PARD3B: variants seen among roughly 807,000 people sequenced by gnomAD.
PARD3B encodes par-3 family cell polarity regulator beta.
Under a neutral mutation model 130.2 loss-of-function variants are expected in PARD3B, and 103 were observed. That is an observed-to-expected ratio of 0.79 (90% CI 0.67 to 0.93). The LOEUF (loss-of-function observed/expected upper bound fraction) is 0.93. PARD3B is among the 40% of genes least tolerant of loss of function. The pLI is 0.00. For missense variants in PARD3B, 1,609 were observed against 1,499.2 expected (o/e 1.07, Z -1.21); for synonymous variants, 583 against 553.2 (o/e 1.05, Z -0.76).
chr2:205,260,263 A>G (rs1233580469), intron 16 of PARD3B, among the ~76,000 whole-genome samples: 1 of 152,186 alleles, frequency 6.6e-6, no homozygotes, highest in Admixed American at 6.6e-5. Flanking sequence ...CAACAGCAAC[A>G]ACAAACAGTG....
At chr2:205,236,596 A>C (rs909226224) in intron 15 of PARD3B, among the ~76,000 whole-genome samples, 5 of 152,280 alleles carry the variant, frequency 3.3e-5, no homozygotes, top group African/African-American at 1.2e-4. Context: ...CCACCCTCAA[A>C]AATAAAAACT....
At chr2:204,736,641 TA>T (rs2039769559) in intron 2 of PARD3B, among the ~76,000 whole-genome samples, 1 of 152,242 alleles carries the variant, frequency 6.6e-6, no homozygotes, top group African/African-American at 2.4e-5. Flanking sequence ...TAGTATTCCA[TA>T]GTGTATATGT....
chr2:205,168,832 C>T (rs1186839261), intron 11 of PARD3B, among the ~76,000 whole-genome samples: 3 of 152,010 alleles, frequency 2.0e-5, no homozygotes, highest in Non-Finnish European at 4.4e-5. Flanking sequence ...TGAAGCATTA[C>T]CCCTTTAGGG....
intron 19 of PARD3B, among the ~76,000 whole-genome samples, chr2:205,435,432 TAAAG>T (rs2047479681): frequency 1.3e-5 from 2 of 152,204 alleles, no homozygotes; most frequent in South Asian, 2.1e-4. Context: ...TTAATTATAA[TAAAG>T]AAATTTATTC....
chr2:204,701,382 C>T (rs1485703694), intron 2 of PARD3B, among the ~76,000 whole-genome samples: 1 of 152,092 alleles, frequency 6.6e-6, no homozygotes, highest in East Asian at 1.9e-4. Flanking sequence ...AATGTCTATA[C>T]TCATGGGACT....
At chr2:205,369,496 G>A (rs531979581) in intron 18 of PARD3B, among the ~76,000 whole-genome samples, 29 of 152,148 alleles carry the variant, frequency 1.9e-4, no homozygotes, top group Non-Finnish European at 3.7e-4. Context: ...GCCTACGGGC[G>A]CCTTCGTGTT....
rs764835390 is a variant in PARD3B, at chr2:205,592,138, G to C, written c.3261-23318G>C. Among the ~76,000 whole-genome samples, 4 of 152,116 alleles carry C rather than the reference G, an allele frequency of 2.6e-5. No individual in the cohort carries two copies. Among genetic ancestry groups the C allele is most frequent in the Non-Finnish European group, 5.9e-5 (4 of 68,018 alleles). ...GCTTAGTATCATAATTCCCACTTCC[G>C]AGTGAAGAAAATAAACACAGAGAAG... On this transcript the variant is annotated intron_variant, in intron 22 of 22. Transcript: ENST00000406610. This position sits in a 1 kb window ranked among gnomAD's most constrained non-coding sequence, Gnocchi z 4.5.
chr2:204,786,936 C>T (rs1408735706), intron 2 of PARD3B, among the ~76,000 whole-genome samples: 1 of 152,084 alleles, frequency 6.6e-6, no homozygotes, highest in Admixed American at 6.5e-5. Flanking sequence ...CTGGAATAAT[C>T]GTGACTTAAA....
chr2:205,537,280 A>G (rs2051905266), intron 21 of PARD3B, among the ~76,000 whole-genome samples: 1 of 152,248 alleles, frequency 6.6e-6, no homozygotes, highest in South Asian at 2.1e-4. Context: ...TCTTCTCCTT[A>G]AAGATGGGAA....
At chr2:205,320,331 A>T (rs552807939) in intron 18 of PARD3B, among the ~76,000 whole-genome samples, 1 of 152,312 alleles carries the variant, frequency 6.6e-6, no homozygotes, top group South Asian at 2.1e-4. Flanking sequence ...CACTACCTTG[A>T]TCACTGGAAT....
chr2:204,956,791 C>T (rs1690275720), intron 2 of PARD3B, among the ~76,000 whole-genome samples: 1 of 152,110 alleles, frequency 6.6e-6, no homozygotes, highest in Admixed American at 6.5e-5. Context: ...TCATGGGAAG[C>T]AAGAATGTTA....
Position 204,610,782 on chromosome 2 carries a change from G to A in PARD3B, c.120+64663G>A, listed in dbSNP as rs1196689993. Among the ~76,000 whole-genome samples, 3 of 152,124 alleles carry A rather than the reference G, an allele frequency of 2.0e-5. No homozygotes were observed. The highest frequency in any genetic ancestry group is 1.3e-4 in the Admixed American group (2 of 15,268). On this transcript the variant is annotated intron_variant, in intron 1 of 22. Transcript: ENST00000406610. The surrounding 1 kb of genome is among the most constrained non-coding windows in gnomAD (Gnocchi z 4.1). The stretch of plus-strand genomic sequence containing the variant: ...TGAGCACCCTAAGAACAAATACATG[G>A]CCAGTGGTTCCAATCCATGTTACAG...
At chr2:205,212,006 A>T (rs2037665164) in intron 15 of PARD3B, among the ~76,000 whole-genome samples, 2 of 152,152 alleles carry the variant, frequency 1.3e-5, no homozygotes, top group African/African-American at 4.8e-5. Flanking sequence ...AATGAGTTCC[A>T]TTAGAATTTT....
rs571791520 is a variant in PARD3B at position 204,592,390 on chromosome 2, G to A, written c.120+46271G>A. Among the ~76,000 whole-genome samples, 11 of 152,250 alleles carry A rather than the reference G, an allele frequency of 7.2e-5. No homozygotes were observed. The South Asian group carries it at 2.3e-3, about 32-fold the overall frequency. ...TAACAAGAGGTACTTTTTATGTATT[G>A]TTTATAGAAAAGCACAAAGGAAAGC... On this transcript the variant is annotated intron_variant, in intron 1 of 22. Coordinates refer to ENST00000406610, the MANE Select transcript of PARD3B (RefSeq NM_001302769.2).
At chr2:204,670,356 C>T (rs543122001) in intron 1 of PARD3B, among the ~76,000 whole-genome samples, 19 of 152,244 alleles carry the variant, frequency 1.2e-4, no homozygotes, top group Middle Eastern at 3.4e-3. Context: ...TTTGCCAATT[C>T]GTTTATAGGG....
chr2:204,642,842 G>A (rs1050728067), intron 1 of PARD3B, among the ~76,000 whole-genome samples: 7 of 151,172 alleles, frequency 4.6e-5, no homozygotes, highest in Non-Finnish European at 1.0e-4. Context: ...GGCCGGGCGC[G>A]GTGGCTCACA....
chr2:205,521,427 GTCAATAGAC>G (rs1553536383), intron 21 of PARD3B, among the ~76,000 whole-genome samples: 3 of 151,698 alleles, frequency 2.0e-5, no homozygotes, highest in Non-Finnish European at 2.9e-5. Flanking sequence ...TTCTAACTTC[GTCAATAGAC>G]TCTTTAACTT....
chr2:205,610,235 A>G (rs999302550), intron 22 of PARD3B, among the ~76,000 whole-genome samples: 6 of 152,142 alleles, frequency 3.9e-5, no homozygotes, highest in African/African-American at 1.4e-4. Context: ...AGGGAACAGG[A>G]CACCACCTTG....
chr2:204,600,305 C>T (rs1296381417), intron 1 of PARD3B, among the ~76,000 whole-genome samples: 1 of 151,844 alleles, frequency 6.6e-6, no homozygotes, highest in Non-Finnish European at 1.5e-5. Context: ...AGTTTCATGT[C>T]TTACATTATG....
Sources: gnomAD v4.1 joint callset for allele counts (sites outside exome capture counted in the v4.1 genomes callset) on GRCh38, gnomAD v4.1.1 for gene constraint, Gnocchi (gnomAD v3.1) non-coding constraint, MANE v1.5 for transcripts, NCBI Gene and HGNC (gene_info 2026-07-23, HGNC 2026-07-21) for gene names.